RAPGEF2: variants seen among roughly 807,000 people sequenced by gnomAD.
The protein encoded by RAPGEF2 is Rap guanine nucleotide exchange factor 2.
RAPGEF2 carries 54 observed loss-of-function variants against 186.7 expected under a neutral mutation model. The ratio of observed to expected loss-of-function variants is 0.29; its 90% confidence interval spans 0.23 to 0.36. The LOEUF is 0.36. Among genes scored for constraint, RAPGEF2 ranks in the 10% least tolerant of loss-of-function variants. The pLI, the probability that RAPGEF2 is intolerant of heterozygous loss-of-function variation, is 1.00. For missense variants in RAPGEF2, 1,532 were observed against 2,045.0 expected, an observed-to-expected ratio of 0.75 and a Z score of 4.84; for synonymous variants, 712 against 705.9, an observed-to-expected ratio of 1.01 and a Z score of -0.14.
rs771897505 is a variant in RAPGEF2, at chr4:159,356,097, G to A, written c.4896G>A (p.Pro1632=). The A allele has an allele frequency of 4.0e-5, 64 of 1,614,036 alleles. No homozygotes were observed. The highest frequency in any genetic ancestry group is 2.9e-4 in the East Asian group (13 of 44,898). Residue 1632 remains proline, a synonymous_variant, in exon 29 of 30, where the codon CCG becomes CCA. Coordinates refer to ENST00000691494, the MANE Select transcript of RAPGEF2 (RefSeq NM_001394067.2). The part of the protein sequence containing the change: ...RPVNKPQWHK[P]NESDPRLAPY... ...TGAACAAACCTCAGTGGCATAAACCGAACGAGTCTGACCCGCGCCTCGCCC... is the reference window on the plus strand; with the variant it reads ...TGAACAAACCTCAGTGGCATAAACCAAACGAGTCTGACCCGCGCCTCGCCC...
At chr4:159,277,063 T>TCCCTCCC (rs1758990799) in intron 7 of RAPGEF2, among the ~76,000 whole-genome samples, 1 of 141,850 alleles carries the variant, frequency 7.0e-6, no homozygotes, top group Non-Finnish European at 1.5e-5. Flanking sequence ...CCTAATGCTA[T>TCCCTCCC]CCCTCCCCCC....
At chr4:159,217,133 A>G (rs1209854954) in intron 4 of RAPGEF2, among the ~76,000 whole-genome samples, 1 of 152,032 alleles carries the variant, frequency 6.6e-6, no homozygotes, top group Non-Finnish European at 1.5e-5. Context: ...ACTGAAGACA[A>G]ATTTACTTGT....
intron 1 of RAPGEF2, among the ~76,000 whole-genome samples, chr4:159,155,824 C>T (rs1561021502): frequency 6.6e-6 from 1 of 150,882 alleles, no homozygotes; most frequent in African/African-American, 2.4e-5. Context: ...TATAAAATTT[C>T]CTCTCGGTAC....
chr4:159,308,852 G>A (rs1238901689), intron 8 of RAPGEF2, among the ~76,000 whole-genome samples: 1 of 152,164 alleles, frequency 6.6e-6, no homozygotes, highest in African/African-American at 2.4e-5. Context: ...TCTCGGAAGA[G>A]TTGAGTTCAT....
intron 1 of RAPGEF2, among the ~76,000 whole-genome samples, chr4:159,177,290 G>A (rs1389187211): frequency 6.7e-6 from 1 of 149,850 alleles, no homozygotes; most frequent in East Asian, 2.0e-4. Flanking sequence ...TATATATAGT[G>A]TCTCAGGAAT....
Position 159,338,486 on chromosome 4 carries a change from T to C in RAPGEF2, c.2293+18T>C. ...TACTCCTGGTGAGTATCACCAACACTTCTTTTGTTTTCTTATAGTTATCTT... is the reference window on the plus strand; with the variant it reads ...TACTCCTGGTGAGTATCACCAACACCTCTTTTGTTTTCTTATAGTTATCTT... On this transcript the variant is annotated intron_variant, in intron 18 of 29. Coordinates refer to ENST00000691494, the MANE Select transcript of RAPGEF2 (RefSeq NM_001394067.2). 6.3e-7 allele frequency: 1 copy of C among 1,585,530 alleles called. No individual in the cohort carries two copies. Among genetic ancestry groups the C allele is most frequent in the Non-Finnish European group, 8.6e-7 (1 of 1,158,908 alleles).
chr4:159,341,197 A>C (rs1219160132), intron 19 of RAPGEF2, among the ~76,000 whole-genome samples: 7 of 152,362 alleles, frequency 4.6e-5, no homozygotes, highest in Non-Finnish European at 1.0e-4. Context: ...ACTTGGGTCT[A>C]ATCTTTCCTG....
intron 25 of RAPGEF2, among the ~76,000 whole-genome samples, chr4:159,349,482 C>CA (rs1223224894): frequency 7.7e-6 from 1 of 130,104 alleles, no homozygotes; most frequent in East Asian, 1.9e-4. Flanking sequence ...CCTGTTGGAT[C>CA]CTGCACGTGG....
chr4:159,321,615 C>G (rs532682754), intron 9 of RAPGEF2, among the ~76,000 whole-genome samples: 1 of 152,238 alleles, frequency 6.6e-6, no homozygotes, highest in South Asian at 2.1e-4. Flanking sequence ...AAGGAAAGAA[C>G]TTAGTGTGTA....
At chr4:159,183,069 C>T (rs1430450353) in intron 1 of RAPGEF2, among the ~76,000 whole-genome samples, 1 of 151,962 alleles carries the variant, frequency 6.6e-6, no homozygotes, top group Non-Finnish European at 1.5e-5. Context: ...ACAAGCTAAT[C>T]AAAAAAATTA....
intron 7 of RAPGEF2, among the ~76,000 whole-genome samples, chr4:159,252,519 T>C (rs1010810508): frequency 1.3e-5 from 2 of 152,368 alleles, no homozygotes; most frequent in African/African-American, 2.4e-5. Context: ...GTTGATATTC[T>C]TGATGTCATT....
Position 159,186,626 on chromosome 4 carries a change from C to T in RAPGEF2, c.70-16C>T, listed in dbSNP as rs889995483. 9 of 1,356,768 alleles carry T rather than the reference C, an allele frequency of 6.6e-6. No individual in the cohort carries two copies. Among genetic ancestry groups the T allele is most frequent in the Non-Finnish European group, 8.9e-6 (9 of 1,015,182 alleles). The allele number at this position is 1,356,768 out of a possible 1,614,324, so 84.0% of individuals were successfully genotyped here. A position where few individuals can be genotyped will look rare whatever the true frequency, so the allele number is the denominator to read the frequency against. On this transcript the variant is annotated splice_polypyrimidine_tract_variant and intron_variant, in intron 1 of 29. Coordinates refer to ENST00000691494, the MANE Select transcript of RAPGEF2 (RefSeq NM_001394067.2). Reference sequence around the variant, plus strand: ...CCTGACAGGTCTAATAATTTCTATTCTTTTCTTTGAAACAGGATCTGGAAA... The same window carrying T: ...CCTGACAGGTCTAATAATTTCTATTTTTTTCTTTGAAACAGGATCTGGAAA...
At chr4:159,122,347 C>T (rs146967683) in intron 1 of RAPGEF2, among the ~76,000 whole-genome samples, 1,594 of 151,886 alleles carry the variant, frequency 0.01, 91 homozygotes, top group Admixed American at 0.094. Context: ...GGCATGGTGG[C>T]GCACGCCTAT....
intron 1 of RAPGEF2, among the ~76,000 whole-genome samples, chr4:159,135,478 A>T (rs1741622298): frequency 6.6e-6 from 1 of 152,164 alleles, no homozygotes; most frequent in African/African-American, 2.4e-5. Flanking sequence ...GCTGTTATAA[A>T]CATTCATGTA....
intron 7 of RAPGEF2, among the ~76,000 whole-genome samples, chr4:159,303,067 A>G (rs1164885019): frequency 6.6e-6 from 1 of 152,190 alleles, no homozygotes; most frequent in Non-Finnish European, 1.5e-5. Context: ...AACAGATTGT[A>G]TGTAAATATT....
rs1480772253 is a variant in RAPGEF2 at position 159,316,947 on chromosome 4, G to A, written c.853+2179G>A. ...CTTCCGTTGAGAGTCATCCTTCCAC[G>A]AGATTTCCAGGGTCCATAGCCACCC... On this transcript the variant is annotated intron_variant, in intron 9 of 29. Coordinates refer to ENST00000691494, the MANE Select transcript of RAPGEF2 (RefSeq NM_001394067.2). Among the ~76,000 whole-genome samples the A allele has an allele frequency of 3.3e-5, 5 of 152,104 alleles. No homozygotes were observed. In the East Asian group the frequency reaches 7.7e-4, roughly 23 times the overall value.
At position 159,138,327 on chromosome 4, in the gene RAPGEF2, A is replaced by C. The variant is rs115175332; in HGVS notation, c.69+34096A>C. ...TTTCCTTTTTGATAGAAAGTAGAAA[A>C]GTATAAAGCTCATATTTTAGTGTTT... On this transcript the variant is annotated intron_variant, in intron 1 of 29. Transcript: ENST00000691494. 5.6e-3 allele frequency among the ~76,000 whole-genome samples: 856 copies of C among 152,360 alleles called. 11 individuals are homozygous for C. Among genetic ancestry groups the C allele is most frequent in the African/African-American group, 0.02 (819 of 41,590 alleles).
intron 4 of RAPGEF2, among the ~76,000 whole-genome samples, chr4:159,221,246 T>C (rs918777072): frequency 6.6e-6 from 1 of 152,092 alleles, no homozygotes; most frequent in Non-Finnish European, 1.5e-5. Flanking sequence ...GCTGCAAAGG[T>C]GAAAGGTTAC....
At chr4:159,179,760 G>T (rs1439095256) in intron 1 of RAPGEF2, among the ~76,000 whole-genome samples, 1 of 152,158 alleles carries the variant, frequency 6.6e-6, no homozygotes, top group African/African-American at 2.4e-5. Flanking sequence ...CCTGGGCAGG[G>T]CAGAGCTGGA....
Sources: allele counts gnomAD v4.1 joint callset (sites outside exome capture counted in the v4.1 genomes callset), GRCh38; gene constraint gnomAD v4.1.1; transcripts MANE v1.5; gene names NCBI Gene and HGNC (gene_info 2026-07-23, HGNC 2026-07-21).